The following PTGR2 variants were observed in gnomAD, a reference collection of about 807,000 sequenced individuals.
PTGR2 encodes the protein 15-oxoprostaglandin 13-reductase.
Under a neutral mutation model 43.4 loss-of-function variants are expected in PTGR2, and 32 were observed. That is an observed-to-expected ratio of 0.74 (90% CI 0.56 to 0.99). PTGR2 has a LOEUF of 0.99. Ranked by LOEUF, PTGR2 falls within the 50% of genes least tolerant of loss-of-function variation. PTGR2 has a pLI of 0.00. For missense variants in PTGR2, 373 were observed against 420.0 expected, an observed-to-expected ratio of 0.89 and a Z score of 0.98; for synonymous variants, 106 against 139.2, an observed-to-expected ratio of 0.76 and a Z score of 1.68.
chr14:73,852,030 G>A (rs961043915), intron 1 of PTGR2, 87 bp downstream of exon 1: 1 of 152,206 alleles, frequency 6.6e-6, no homozygotes, highest in African/African-American at 2.4e-5. Context: ...CTCAACCAGG[G>A]TGACTTCTAG....
intron 9 of PTGR2, among the ~76,000 whole-genome samples, chr14:73,882,976 A>G (rs1267514508): frequency 1.3e-5 from 2 of 150,372 alleles, no homozygotes; most frequent in African/African-American, 2.4e-5. Flanking sequence ...GTGCACTGGT[A>G]TGCCTGGCTA....
chr14:73,867,225 T>G (rs938107679), intron 3 of PTGR2, among the ~76,000 whole-genome samples: 3 of 152,116 alleles, frequency 2.0e-5, no homozygotes, highest in Non-Finnish European at 4.4e-5. Context: ...AGATCTGGAC[T>G]AGAATCTCTA....
At chr14:73,873,962 T>G (rs2054795236) in intron 3 of PTGR2, 61 bp from the exon 4 acceptor site, 2 of 1,304,142 alleles carry the variant, frequency 1.5e-6, no homozygotes, top group Non-Finnish European at 2.1e-6. Flanking sequence ...AGTCATTGGG[T>G]AAATTAGTAG....
chr14:73,855,539 T>G (rs891784319), intron 1 of PTGR2, among the ~76,000 whole-genome samples: 1 of 151,800 alleles, frequency 6.6e-6, no homozygotes, highest in Non-Finnish European at 1.5e-5. Context: ...CTCCACCTCT[T>G]GAGTTCAAGC....
rs1440671738 is a variant in PTGR2 at position 73,881,287 on chromosome 14, C to T, written c.934C>T (p.Leu312=). 3 of 1,579,140 alleles carry T rather than the reference C, an allele frequency of 1.9e-6. No homozygotes were observed. The highest frequency in any genetic ancestry group is 2.6e-6 in the Non-Finnish European group (3 of 1,148,828). The change falls in exon 8 of 10, where the codon CTA becomes TTA. Residue 312 remains leucine, a synonymous_variant. Coordinates refer to ENST00000555661, the MANE Select transcript of PTGR2 (RefSeq NM_001146154.2). ...GAGTCAGTGGTTTAAAGAAGGAAAG[C>T]TAAAGGTAGAACTTCTATTCTTTAT... is the stretch of plus-strand genomic sequence containing the variant. ...QLSQWFKEGK[L]KIKETVINGL...
At chr14:73,870,994 A>C (rs1938432874) in intron 3 of PTGR2, among the ~76,000 whole-genome samples, 1 of 152,122 alleles carries the variant, frequency 6.6e-6, no homozygotes, top group Admixed American at 6.5e-5. Context: ...TTGTATTCTA[A>C]TGAGATGACA....
chr14:73,858,656 A>G lies in PTGR2; in HGVS notation c.-47-160A>G, dbSNP rs2054417951. On this transcript the variant is annotated intron_variant, in intron 1 of 9. Transcript: ENST00000555661. ...AACTAGATTTAGTCTTTCTTCATAT[A>G]TTTGCTTTAGGAGGCAAACTCTGAC... The G allele has an allele frequency of 1.2e-5, 5 of 405,614 alleles. 1 individual carries two copies. Among genetic ancestry groups the G allele is most frequent in the South Asian group, 1.2e-4 (3 of 24,406 alleles). The allele number at this position is 405,614 out of a possible 1,614,324, so 25.1% of individuals were successfully genotyped here.
At position 73,857,664 on chromosome 14, in the gene PTGR2, G is replaced by GTTTTGTTTTTTTTTT. The variant is rs2054383610; in HGVS notation, c.-47-1148_-47-1147insGTTTTTTTTTTTTTT. ...ATTACATGTCAATTAAGCAGTTAGT[G>GTTTTGTTTTTTTTTT]TTTTTTTTTTTTTTTTTTTTTTGAG... On this transcript the variant is annotated intron_variant, in intron 1 of 9. Coordinates refer to ENST00000555661, the MANE Select transcript of PTGR2 (RefSeq NM_001146154.2). 6.2e-5 allele frequency among the ~76,000 whole-genome samples: 4 copies of GTTTTGTTTTTTTTTT among 64,696 alleles called. 1 individual carries two copies. The highest frequency in any genetic ancestry group is 1.1e-3 in the East Asian group (2 of 1,864). 42.4% of individuals were successfully genotyped at this position (64,696 alleles called of 152,430 possible). A position where few individuals can be genotyped will look rare whatever the true frequency, so the allele number is the denominator to read the frequency against.
chr14:73,880,941 C>T (rs965806949), intron 7 of PTGR2, among the ~76,000 whole-genome samples: 11 of 152,142 alleles, frequency 7.2e-5, no homozygotes, highest in African/African-American at 2.2e-4. Flanking sequence ...GGACTACAGG[C>T]GCTCACTACC....
chr14:73,873,455 CTTTTCTTTTCTTTTTTTT>C (rs1364909728), intron 3 of PTGR2, among the ~76,000 whole-genome samples: 1 of 149,524 alleles, frequency 6.7e-6, no homozygotes, highest in Non-Finnish European at 1.5e-5. Flanking sequence ...TTCTTTTTTT[CTTTTCTTTTCTTTTTTTT>C]TTTTGAGACG....
At position 73,880,081 on chromosome 14, in the gene PTGR2, G is replaced by A; in HGVS notation, c.756G>A (p.Leu252=). The A allele has an allele frequency of 6.2e-7, 1 of 1,613,434 alleles. No individual in the cohort carries two copies. The highest frequency in any genetic ancestry group is 8.5e-7 in the Non-Finnish European group (1 of 1,179,498). ...TGAATGAGAACAGCCACATCATCCTGTGTGGTCAAATTTCTCAGTACAACA... is the reference window on the plus strand; with the variant it reads ...TGAATGAGAACAGCCACATCATCCTATGTGGTCAAATTTCTCAGTACAACA... ...SQMNENSHII[L]CGQISQYNKD... Residue 252 remains leucine, a synonymous_variant, in exon 7 of 10, where the codon CTG becomes CTA. Transcript: ENST00000555661.
chr14:73,861,008 T>G (rs564208594), intron 3 of PTGR2: 1 of 158,152 alleles, frequency 6.3e-6, no homozygotes, highest in African/African-American at 2.4e-5. Flanking sequence ...AGATCCACTT[T>G]ATAAGAGAGG....
At chr14:73,883,610 C>T (rs141069113) in intron 9 of PTGR2, among the ~76,000 whole-genome samples, 10,246 of 151,878 alleles carry the variant, frequency 0.067, 869 homozygotes, top group East Asian at 0.44. Context: ...CTTAGCCCCC[C>T]GAGTAGCTGG....
At chr14:73,852,487 G>A (rs1179348649) in intron 1 of PTGR2, among the ~76,000 whole-genome samples, 2 of 152,108 alleles carry the variant, frequency 1.3e-5, no homozygotes, top group East Asian at 3.9e-4. Flanking sequence ...TCCTGACCTC[G>A]TGATCTGCCT....
intron 2 of PTGR2, among the ~76,000 whole-genome samples, chr14:73,859,883 C>A: frequency 6.8e-6 from 1 of 147,776 alleles, no homozygotes; most frequent in African/African-American, 2.5e-5. Flanking sequence ...TTTTTTGACA[C>A]GGAGTCTCGC....
chr14:73,865,592 C>T (rs2054581489), intron 3 of PTGR2, among the ~76,000 whole-genome samples: 1 of 152,172 alleles, frequency 6.6e-6, no homozygotes. Flanking sequence ...CAGGGCCCAA[C>T]TCATTCTTTT....
intron 8 of PTGR2, among the ~76,000 whole-genome samples, 153 bp from the exon 9 acceptor site, chr14:73,882,246 T>C (rs2055007408): frequency 6.6e-6 from 1 of 152,214 alleles, no homozygotes; most frequent in Non-Finnish European, 1.5e-5. Flanking sequence ...AATCAATTGA[T>C]AGGAAGCTTT....
chr14:73,863,350 C>T (rs571178083), intron 3 of PTGR2, among the ~76,000 whole-genome samples: 2 of 152,036 alleles, frequency 1.3e-5, no homozygotes, highest in African/African-American at 4.8e-5. Flanking sequence ...GCACTGTTGC[C>T]CAGGCTGGAA....
intron 9 of PTGR2, among the ~76,000 whole-genome samples, chr14:73,883,280 T>A (rs902002455): frequency 3.5e-5 from 5 of 141,826 alleles, no homozygotes; most frequent in African/African-American, 1.3e-4. Context: ...CATAGCTAAC[T>A]GTAACTTATG....
Sources: allele counts gnomAD v4.1 joint callset (sites outside exome capture counted in the v4.1 genomes callset), GRCh38; gene constraint gnomAD v4.1.1; transcripts MANE v1.5; gene names NCBI Gene and HGNC (gene_info 2026-07-23, HGNC 2026-07-21).